Variants in HTT observed in about 807,000 individuals in gnomAD.
The protein encoded by HTT is huntingtin.
HTT carries 104 observed loss-of-function variants against 362.3 expected under a neutral mutation model. The ratio of observed to expected loss-of-function variants is 0.29; its 90% confidence interval spans 0.24 to 0.34. The LOEUF (loss-of-function observed/expected upper bound fraction) is 0.34, where lower values mean the gene tolerates loss of function less well. Among genes scored for constraint, HTT ranks in the 10% least tolerant of loss-of-function variants. The pLI, the probability that HTT is intolerant of heterozygous loss-of-function variation, is 1.00. For missense variants in HTT, 3,301 were observed against 3,928.6 expected, an observed-to-expected ratio of 0.84 and a Z score of 4.27; for synonymous variants, 1,577 against 1,548.7, an observed-to-expected ratio of 1.02 and a Z score of -0.43.
Position 3,224,134 on chromosome 4 carries a change from A to G in HTT, c.7765+3A>G, listed in dbSNP as rs775764857. 83 of 1,613,858 alleles carry G rather than the reference A, an allele frequency of 5.1e-5. No individual in the cohort carries two copies. Among genetic ancestry groups the G allele is most frequent in the Non-Finnish European group, 6.2e-5 (73 of 1,179,906 alleles). On this transcript the variant is annotated splice_donor_region_variant and intron_variant, in intron 56 of 66. Coordinates refer to ENST00000355072, the MANE Select transcript of HTT (RefSeq NM_001388492.1). The stretch of plus-strand genomic sequence containing the variant: ...TTCTCTGTCTCCGGCTACTACAGGT[A>G]CCTGAGGGAAAGGGTGCGGGGGAGC...
At chr4:3,151,785 T>TA (rs1353743343) in intron 26 of HTT, among the ~76,000 whole-genome samples, 2 of 152,208 alleles carry the variant, frequency 1.3e-5, no homozygotes, top group Non-Finnish European at 2.9e-5. Context: ...CCTCTGCACA[T>TA]ATGCATGCAC....
rs113995934 is a variant in HTT, at chr4:3,230,832, C to A, written c.8265+790C>A. ...ATGACCTCATCACCTCCCAAGGCCC[C>A]ACCTTCTTGTACTGTGGCACTGCAA... On this transcript the variant is annotated intron_variant, in intron 60 of 66. Coordinates refer to ENST00000355072, the MANE Select transcript of HTT (RefSeq NM_001388492.1). 1.2e-3 allele frequency among the ~76,000 whole-genome samples: 185 copies of A among 152,302 alleles called. 1 individual carries two copies. Among genetic ancestry groups the A allele is most frequent in the African/African-American group, 4.4e-3 (181 of 41,560 alleles).
Position 3,238,883 on chromosome 4 carries a change from C to G in HTT, c.9120C>G (p.Leu3040=). 1 of 1,612,704 alleles carries G rather than the reference C, an allele frequency of 6.2e-7. No individual in the cohort carries two copies. The highest frequency in any genetic ancestry group is 1.3e-5 in the African/African-American group (1 of 75,028). The part of the protein sequence containing the change: ...SMVRDWVMLS[L]SNFTQRAPVA... ...TCCGGGACTGGGTCATGCTGTCCCT[C>G]TCCAACTTCACGCAGAGGGCCCCGG... is the stretch of plus-strand genomic sequence containing the variant. The change falls in exon 66 of 67, where the codon CTC becomes CTG. Residue 3040 remains leucine (L), a synonymous_variant. Coordinates refer to ENST00000355072, the MANE Select transcript of HTT (RefSeq NM_001388492.1).
At chr4:3,229,065 G>T in intron 59 of HTT, 56 bp downstream of exon 59, 1 of 1,540,152 alleles carries the variant, frequency 6.5e-7, no homozygotes, top group South Asian at 1.2e-5. Flanking sequence ...CACCACACAC[G>T]CCACACACCC....
Position 3,180,628 on chromosome 4 carries a change from C to G in HTT, c.4726C>G (p.Leu1576Val). ...TQKEVVVSMLLRLIQYHQVLE... is the reference protein window; with the variant it reads ...TQKEVVVSMLVRLIQYHQVLE... ...AAAAGAGGTGGTGGTGTCAATGTTA[C>G]TGAGACTCATCCAGTACCATCAGGT... is the stretch of plus-strand genomic sequence containing the variant. The change falls in exon 36 of 67, where the codon CTG (leucine) becomes GTG (valine). Residue 1576 changes from leucine (L) to valine (V), a missense_variant. Around this residue, in one of 4 missense-constraint regions of HTT, gnomAD observed 2,316 missense variants for 2,658.5 expected, o/e 0.87. Coordinates refer to ENST00000355072, the MANE Select transcript of HTT (RefSeq NM_001388492.1). 6.2e-7 allele frequency: 1 copy of G among 1,613,520 alleles called. No individual in the cohort carries two copies. The highest frequency in any genetic ancestry group is 8.5e-7 in the Non-Finnish European group (1 of 1,179,802).
Position 3,178,399 on chromosome 4 carries a change from A to G in HTT, c.4565A>G (p.Gln1522Arg), listed in dbSNP as rs374828999. ...KQIIGIPKII[Q>R]LCDGIMASGR... is the part of the protein sequence containing the mutation. Reference sequence around the variant, plus strand: ...ATCATTGGAATTCCTAAAATCATTCAGCTCTGTGATGGCATCATGGCCAGT... The same window carrying G: ...ATCATTGGAATTCCTAAAATCATTCGGCTCTGTGATGGCATCATGGCCAGT... The change falls in exon 35 of 67, where the codon CAG becomes CGG. Residue 1522 changes from glutamine to arginine, a missense_variant. Around this residue, in one of 4 missense-constraint regions of HTT, gnomAD observed 2,316 missense variants for 2,658.5 expected, o/e 0.87. Transcript: ENST00000355072. 18 of 1,613,726 alleles carry G rather than the reference A, an allele frequency of 1.1e-5. No individual in the cohort carries two copies. The highest frequency in any genetic ancestry group is 1.4e-5 in the Non-Finnish European group (16 of 1,179,724).
intron 61 of HTT, 141 bp from the exon 62 acceptor site, chr4:3,235,143 G>A (rs1225507190): frequency 4.8e-6 from 3 of 630,652 alleles, no homozygotes; most frequent in Non-Finnish European, 8.5e-6. Flanking sequence ...GCAGGGGCCT[G>A]GGGGAGCCAC....
rs781646831 is a variant in HTT at position 3,225,780 on chromosome 4, T to C, written c.7848+37T>C. ...GCCCCCGCCGCCTGGCCTCTGTCCGTTTCTGTCCTCAGACTTTGGCGCTTG... is the reference window on the plus strand; with the variant it reads ...GCCCCCGCCGCCTGGCCTCTGTCCGCTTCTGTCCTCAGACTTTGGCGCTTG... On this transcript the variant is annotated intron_variant, in intron 57 of 66. Coordinates refer to ENST00000355072, the MANE Select transcript of HTT (RefSeq NM_001388492.1). The C allele has an allele frequency of 5.2e-6, 8 of 1,542,904 alleles. No individual in the cohort carries two copies. The South Asian group carries it at 9.2e-5, about 18-fold the overall frequency.
At chr4:3,217,409 G>T (rs1463524616) in intron 51 of HTT, among the ~76,000 whole-genome samples, 1 of 152,190 alleles carries the variant, frequency 6.6e-6, no homozygotes, top group Non-Finnish European at 1.5e-5. Flanking sequence ...GGAGACCAGA[G>T]AAAGACGAGG....
At chr4:3,200,528 T>C (rs1032649746) in intron 41 of HTT, among the ~76,000 whole-genome samples, 1 of 152,166 alleles carries the variant, frequency 6.6e-6, no homozygotes, top group South Asian at 2.1e-4. Flanking sequence ...CCCCCAACCC[T>C]GGCCCCCGCC....
chr4:3,212,048 C>T lies in HTT; in HGVS notation c.6534C>T (p.Gly2178=). The change falls in exon 48 of 67, where the codon GGC becomes GGT. Residue 2178 remains glycine (G), a synonymous_variant. Transcript: ENST00000355072. ...AREVTLARVS[G]TVQQLPAVHH... ...AGGTGACTCTGGCCCGTGTGAGCGG[C>T]ACCGTGCAGCAGCTCCCTGCTGTCC... 1 of 1,614,202 alleles carries T rather than the reference C, an allele frequency of 6.2e-7. No homozygotes were observed. The highest frequency in any genetic ancestry group is 8.5e-7 in the Non-Finnish European group (1 of 1,180,038).
At position 3,075,032 on chromosome 4, in the gene HTT, G is replaced by T. The variant is rs1578475822; in HGVS notation, c.207G>T (p.Pro69=). 8.0e-7 allele frequency: 1 copy of T among 1,242,354 alleles called. No individual in the cohort carries two copies. The allele number at this position is 1,242,354 out of a possible 1,614,324, so 77.0% of individuals were successfully genotyped here. Residue 69 remains proline (P), a synonymous_variant, in exon 1 of 67, where the codon CCG becomes CCT. Coordinates refer to ENST00000355072, the MANE Select transcript of HTT (RefSeq NM_001388492.1). ...QPLLPQPQPP[P]PPPPPPPGPA... The stretch of plus-strand genomic sequence containing the variant: ...TGCTGCCTCAGCCGCAGCCGCCCCC[G>T]CCGCCGCCCCCGCCGCCACCCGGCC...
intron 10 of HTT, 67 bp from the exon 11 acceptor site, chr4:3,125,482 C>T (rs1715480694): frequency 1.1e-6 from 1 of 922,536 alleles, no homozygotes. Flanking sequence ...TTTTAGAGTG[C>T]ATTTACTTAA....
chr4:3,229,158 T>C (rs1721075980), intron 59 of HTT, 149 bp downstream of exon 59: 1 of 700,102 alleles, frequency 1.4e-6, no homozygotes. Flanking sequence ...ACACGCACCA[T>C]AGACACCACA....
chr4:3,157,542 A>G (rs920392367), intron 28 of HTT, among the ~76,000 whole-genome samples: 1 of 152,194 alleles, frequency 6.6e-6, no homozygotes, highest in Non-Finnish European at 1.5e-5. Context: ...ATACAGCAAC[A>G]TGCTGGTCCT....
In HTT at chr4:3,175,077, G is replaced by A. The variant is rs1211828966; in HGVS notation, c.4377G>A (p.Arg1459=). 1 of 1,613,708 alleles carries A rather than the reference G, an allele frequency of 6.2e-7. No individual in the cohort carries two copies. Among genetic ancestry groups the A allele is most frequent in the African/African-American group, 1.3e-5 (1 of 74,898 alleles). The change falls in exon 33 of 67, where the codon CGG becomes CGA. Residue 1459 remains arginine (R), a synonymous_variant. Coordinates refer to ENST00000355072, the MANE Select transcript of HTT (RefSeq NM_001388492.1). The stretch of plus-strand genomic sequence containing the variant: ...TGCTGGCGCAGCTGGTTCAGTTACG[G>A]GTTAATTACTGTCTTCTGGATTCAG... ...LDLLAQLVQL[R]VNYCLLDSDQ... is the part of the protein sequence containing the mutation.
chr4:3,217,063 C>T (rs925102525), intron 51 of HTT, among the ~76,000 whole-genome samples: 1 of 151,970 alleles, frequency 6.6e-6, no homozygotes, highest in African/African-American at 2.4e-5. Context: ...AACTCGTTAG[C>T]GTGGGGCTTA....
In HTT at chr4:3,132,873, T is replaced by A; in HGVS notation, c.2455T>A (p.Ser819Thr). 1 of 1,613,962 alleles carries A rather than the reference T, an allele frequency of 6.2e-7. No individual in the cohort carries two copies. Among genetic ancestry groups the A allele is most frequent in the South Asian group, 1.1e-5 (1 of 91,080 alleles). ...PLLRKTLKDE[S>T]SVTCKLACTA... is the part of the protein sequence containing the mutation. Reference sequence around the variant, plus strand: ...GCTGCGGAAAACACTGAAGGATGAGTCTTCTGTTACTTGCAAGTTAGCTTG... The same window carrying A: ...GCTGCGGAAAACACTGAAGGATGAGACTTCTGTTACTTGCAAGTTAGCTTG... The change falls in exon 18 of 67, where the codon TCT becomes ACT. Residue 819 changes from serine (S) to threonine (T), a missense_variant. Coordinates refer to ENST00000355072, the MANE Select transcript of HTT (RefSeq NM_001388492.1).
At chr4:3,211,006 G>A (rs1720131581) in intron 47 of HTT, among the ~76,000 whole-genome samples, 1 of 148,058 alleles carries the variant, frequency 6.8e-6, no homozygotes, top group Non-Finnish European at 1.5e-5. Context: ...GGGTTCATAC[G>A]ATTCTCCTGC....
Sources: gnomAD v4.1 joint callset for allele counts (sites outside exome capture counted in the v4.1 genomes callset) on GRCh38, gnomAD v4.1.1 for gene constraint, gnomAD v4.1.1 regional missense constraint, MANE v1.5 for transcripts, NCBI Gene and HGNC (gene_info 2026-07-23, HGNC 2026-07-21) for gene names.